TNIK: variants seen among roughly 807,000 people sequenced by gnomAD.
The protein encoded by TNIK is TRAF2 and NCK-interacting protein kinase.
In TNIK, 49 loss-of-function variants were observed where a neutral mutation model predicts 191.3. That is an observed-to-expected ratio of 0.26 (90% confidence interval 0.20 to 0.32). TNIK has a LOEUF of 0.32. Ranked by LOEUF, TNIK falls within the 10% of genes least tolerant of loss-of-function variation. The pLI is 1.00. For missense variants in TNIK, 1,155 were observed against 1,702.3 expected (o/e 0.68, Z 5.66); for synonymous variants, 594 against 600.9 (o/e 0.99, Z 0.17).
chr3:171,111,456 A>G (rs1184310581), intron 18 of TNIK, among the ~76,000 whole-genome samples: 4 of 150,932 alleles, frequency 2.7e-5, no homozygotes, highest in Non-Finnish European at 5.9e-5. Context: ...CCAAACCACA[A>G]TGAGATATGA....
intron 2 of TNIK, among the ~76,000 whole-genome samples, chr3:171,350,595 T>TAAAAAAA (rs71178208): frequency 7.0e-4 from 69 of 97,976 alleles, no homozygotes; most frequent in African/African-American, 2.5e-3. Flanking sequence ...GCTCTGTTGC[T>TAAAAAAA]AAAAAAAAAA....
At chr3:171,272,520 T>C (rs1749236315) in intron 2 of TNIK, among the ~76,000 whole-genome samples, 1 of 152,212 alleles carries the variant, frequency 6.6e-6, no homozygotes, top group African/African-American at 2.4e-5. Flanking sequence ...AAATCCTATA[T>C]GTTTTTCTCA....
At chr3:171,452,923 G>C (rs1035940055) in intron 1 of TNIK, among the ~76,000 whole-genome samples, 2 of 152,028 alleles carry the variant, frequency 1.3e-5, no homozygotes, top group African/African-American at 4.8e-5. Flanking sequence ...GGTGCCCCCG[G>C]AATTGTACTC....
intron 2 of TNIK, among the ~76,000 whole-genome samples, chr3:171,337,603 T>A (rs551242280): frequency 4.6e-5 from 7 of 152,324 alleles, no homozygotes; most frequent in African/African-American, 1.7e-4. Flanking sequence ...CTGTTCCTTA[T>A]CCATAACGAT....
chr3:171,187,143 G>A (rs1737464444), intron 7 of TNIK, among the ~76,000 whole-genome samples: 1 of 152,212 alleles, frequency 6.6e-6, no homozygotes, highest in African/African-American at 2.4e-5. Flanking sequence ...ATGTAGACTA[G>A]TTAGCACTTG....
At chr3:171,092,769 C>T (rs765781125) in intron 23 of TNIK, among the ~76,000 whole-genome samples, 4 of 152,194 alleles carry the variant, frequency 2.6e-5, no homozygotes, top group Non-Finnish European at 1.5e-5. Flanking sequence ...AACTACAGTT[C>T]CTTTCTTTCT....
At chr3:171,142,549 C>T (rs921469951) in intron 12 of TNIK, among the ~76,000 whole-genome samples, 5 of 152,144 alleles carry the variant, frequency 3.3e-5, no homozygotes, top group Admixed American at 1.3e-4. Flanking sequence ...CAGGTGAAGT[C>T]CCCGGCCAAG....
At chr3:171,378,148 C>G (rs1203746409) in intron 1 of TNIK, among the ~76,000 whole-genome samples, 1 of 152,184 alleles carries the variant, frequency 6.6e-6, no homozygotes, top group Non-Finnish European at 1.5e-5. Flanking sequence ...AGAGGGAGAG[C>G]AAACAGGCTC....
Position 171,201,919 on chromosome 3 carries a change from G to A in TNIK, c.307-7284C>T, listed in dbSNP as rs114335396. On this transcript the variant is annotated intron_variant, in intron 4 of 32. Transcript: ENST00000436636. The stretch of plus-strand genomic sequence containing the variant: ...AGACAAAAAGATGAGTTCCAAGGAT[G>A]GGAAGTGTCCTAGACTTTGTAATAA... Among the ~76,000 whole-genome samples, 669 of 152,248 alleles carry A rather than the reference G, an allele frequency of 4.4e-3. 10 individuals carry two copies. Among genetic ancestry groups the A allele is most frequent in the African/African-American group, 0.016 (650 of 41,552 alleles).
chr3:171,174,101 C>T (rs1167576864), intron 9 of TNIK, among the ~76,000 whole-genome samples: 2 of 152,194 alleles, frequency 1.3e-5, no homozygotes, highest in Non-Finnish European at 2.9e-5. Flanking sequence ...TCGCAGGGCC[C>T]GGCAATTCTG....
chr3:171,117,842 C>T (rs1017104283), intron 18 of TNIK, among the ~76,000 whole-genome samples: 36 of 152,132 alleles, frequency 2.4e-4, no homozygotes, highest in African/African-American at 8.7e-4. Context: ...TGGTGGTGGG[C>T]CCCTGTAGTC....
chr3:171,181,834 G>GT (rs1304234511), intron 7 of TNIK, among the ~76,000 whole-genome samples: 2 of 152,116 alleles, frequency 1.3e-5, no homozygotes, highest in Non-Finnish European at 2.9e-5. Context: ...CATAAGAAAC[G>GT]TAAGTACAGA....
chr3:171,084,065 A>G lies in TNIK; in HGVS notation c.3169+90T>C, dbSNP rs1021924934. The G allele has an allele frequency of 6.4e-6, 9 of 1,408,514 alleles. No individual in the cohort carries two copies. The African/African-American group carries it at 1.2e-4, about 18-fold the overall frequency. The allele number at this position is 1,408,514 out of a possible 1,614,324, so 87.3% of individuals were successfully genotyped here. ...CCAGGATTCAACCAGTGTTCTTTTG[A>G]TGACAAGATCCACAGGCTTTTAATG... On this transcript the variant is annotated intron_variant, in intron 26 of 32. Transcript: ENST00000436636.
intron 2 of TNIK, among the ~76,000 whole-genome samples, chr3:171,358,428 G>T (rs1264314667): frequency 6.6e-6 from 1 of 152,172 alleles, no homozygotes; most frequent in East Asian, 1.9e-4. Flanking sequence ...AAAACCATCA[G>T]GTCTCTTGAG....
chr3:171,220,822 G>A (rs139001751), intron 3 of TNIK, among the ~76,000 whole-genome samples: 6 of 152,260 alleles, frequency 3.9e-5, no homozygotes, highest in African/African-American at 1.4e-4. Flanking sequence ...AAAAACTATT[G>A]CTCACCTTTA....
chr3:171,350,982 C>T (rs1235324688), intron 2 of TNIK, among the ~76,000 whole-genome samples: 1 of 152,130 alleles, frequency 6.6e-6, no homozygotes, highest in Non-Finnish European at 1.5e-5. Context: ...CCTCCACTTC[C>T]TGGGTTCAAG....
intron 2 of TNIK, among the ~76,000 whole-genome samples, chr3:171,361,869 A>G (rs1715028858): frequency 1.3e-5 from 2 of 152,238 alleles, no homozygotes; most frequent in South Asian, 4.1e-4. Context: ...ATATCATGAA[A>G]ACTGTTTCTT....
chr3:171,112,554 ATATTTTAC>A (rs1576852099), intron 18 of TNIK, among the ~76,000 whole-genome samples: 1 of 152,332 alleles, frequency 6.6e-6, no homozygotes, highest in East Asian at 1.9e-4. Context: ...ATACTCAACT[ATATTTTAC>A]TATTGTACAT....
chr3:171,419,172 G>C (rs1187656420), intron 1 of TNIK, among the ~76,000 whole-genome samples: 4 of 152,146 alleles, frequency 2.6e-5, no homozygotes, highest in African/African-American at 9.7e-5. Context: ...ATTTACAGGG[G>C]ATACAAACAT....
Sources: allele counts gnomAD v4.1 joint callset (sites outside exome capture counted in the v4.1 genomes callset), GRCh38; gene constraint gnomAD v4.1.1; transcripts MANE v1.5; gene names NCBI Gene and HGNC (gene_info 2026-07-23, HGNC 2026-07-21).